PIK3CA: variants seen among roughly 807,000 people sequenced by gnomAD.
PIK3CA encodes phosphatidylinositol-4,5-bisphosphate 3-kinase catalytic subunit alpha.
PIK3CA carries 27 observed loss-of-function variants against 138.2 expected under a neutral mutation model. That is an observed-to-expected ratio of 0.20 (90% CI 0.14 to 0.27). The LOEUF (loss-of-function observed/expected upper bound fraction) is 0.27, where lower values mean the gene tolerates loss of function less well. PIK3CA is among the 10% of genes least tolerant of loss of function. PIK3CA has a pLI of 1.00. For synonymous variants in PIK3CA, 358 were observed against 413.2 expected (o/e 0.87, Z 1.62); for missense variants, 544 against 1,277.4 (o/e 0.43, Z 8.75).
At chr3:179,151,200 A>G (rs1028190992) in intron 1 of PIK3CA, among the ~76,000 whole-genome samples, 7 of 152,238 alleles carry the variant, frequency 4.6e-5, no homozygotes, top group Middle Eastern at 3.2e-3. Flanking sequence ...ACCTTGAGCT[A>G]TATTAACAGT....
intron 1 of PIK3CA, among the ~76,000 whole-genome samples, chr3:179,175,392 C>T (rs1038439377): frequency 3.3e-5 from 5 of 151,968 alleles, no homozygotes; most frequent in African/African-American, 9.7e-5. Context: ...ATTCTTTTTT[C>T]TCTCTGTCTG....
At chr3:179,232,106 T>C (rs1725227567) in intron 20 of PIK3CA, among the ~76,000 whole-genome samples, 1 of 152,184 alleles carries the variant, frequency 6.6e-6, no homozygotes, top group South Asian at 2.1e-4. Flanking sequence ...GCAGAGGCTT[T>C]TTAGTTTAAT....
At chr3:179,221,696 CTTTTT>C (rs200211358) in intron 14 of PIK3CA, among the ~76,000 whole-genome samples, 9 of 77,564 alleles carry the variant, frequency 1.2e-4, no homozygotes, top group African/African-American at 1.6e-4. Context: ...ACAATGTAAA[CTTTTT>C]TTTTTTTTTT....
chr3:179,177,312 CTT>C (rs11328702), intron 1 of PIK3CA, among the ~76,000 whole-genome samples: 167 of 91,008 alleles, frequency 1.8e-3, no homozygotes, highest in Non-Finnish European at 2.4e-3. Context: ...ATTCTCTTTT[CTT>C]TTTTTTTTTT....
intron 1 of PIK3CA, among the ~76,000 whole-genome samples, chr3:179,155,691 C>T (rs1341663962): frequency 6.6e-6 from 1 of 152,192 alleles, no homozygotes; most frequent in Admixed American, 6.5e-5. Context: ...ACTTGAACCT[C>T]TATGGATTCT....
chr3:179,217,004 A>G (rs1296704491), intron 9 of PIK3CA, among the ~76,000 whole-genome samples: 2 of 152,168 alleles, frequency 1.3e-5, no homozygotes, highest in Admixed American at 1.3e-4. Context: ...ATCAATAAAA[A>G]TAAAATCCCA....
In PIK3CA at chr3:179,234,286, GA is replaced by G. The variant is rs773197217; in HGVS notation, c.3131del (p.Asn1044MetfsTer24). On this transcript the variant is annotated frameshift_variant, in exon 21 of 21. Transcript: ENST00000263967. LOFTEE classifies it high-confidence loss of function. This position sits in a 1 kb window ranked among gnomAD's most constrained non-coding sequence, Gnocchi z 5.1. ...EALEYFMKQM[N>X]DAHHGGWTTK... is the part of the protein sequence containing the mutation. ...CTTTGGAGTATTTCATGAAACAAAT[GA>G]ATGATGCACATCATGGTGGCTGGAC... The G allele has an allele frequency of 6.2e-7, 1 of 1,613,536 alleles. No homozygotes were observed. The highest frequency in any genetic ancestry group is 8.5e-7 in the Non-Finnish European group (1 of 1,179,620).
intron 1 of PIK3CA, chr3:179,149,525 A>T (rs1722954740): frequency 6.6e-6 from 1 of 152,234 alleles, no homozygotes; most frequent in African/African-American, 2.4e-5. Flanking sequence ...GGTAGGGTAA[A>T]GGGAGCGCAA....
intron 1 of PIK3CA, among the ~76,000 whole-genome samples, chr3:179,178,690 C>G (rs1469433014): frequency 6.6e-5 from 10 of 152,202 alleles, no homozygotes; most frequent in African/African-American, 2.4e-4. Context: ...TGATGTCGTA[C>G]TCATGGCTCT....
chr3:179,212,736 C>T (rs111708286), intron 9 of PIK3CA, among the ~76,000 whole-genome samples: 30 of 152,082 alleles, frequency 2.0e-4, no homozygotes, highest in Non-Finnish European at 4.0e-4. Flanking sequence ...CCATCATGCC[C>T]GGCCAAAAGA....
chr3:179,204,774 C>T (rs1217788120), intron 6 of PIK3CA, among the ~76,000 whole-genome samples, 186 bp downstream of exon 6: 5 of 151,786 alleles, frequency 3.3e-5, no homozygotes, highest in African/African-American at 7.3e-5. Flanking sequence ...GTAATCCCAG[C>T]GCTTTGGGAG....
intron 1 of PIK3CA, among the ~76,000 whole-genome samples, chr3:179,184,963 C>A (rs1723938935): frequency 6.6e-6 from 1 of 152,106 alleles, no homozygotes; most frequent in African/African-American, 2.4e-5. Flanking sequence ...GAATACAAGT[C>A]CCTATGGTGA....
intron 2 of PIK3CA, 133 bp from the exon 3 acceptor site, chr3:179,199,557 T>C (rs1724354986): frequency 1.8e-6 from 1 of 559,444 alleles, no homozygotes; most frequent in Non-Finnish European, 3.1e-6. Flanking sequence ...ATCAAAAATT[T>C]GTTTTAACCT....
In PIK3CA at chr3:179,209,794, T is replaced by C. The variant is rs1724660599; in HGVS notation, c.1251+94T>C. On this transcript the variant is annotated intron_variant, in intron 7 of 20. Transcript: ENST00000263967. ...TTTTCACAAATTGGATGTTATTTTATATTTAAGAAAATAATAATAAACCTA... is the reference window on the plus strand; with the variant it reads ...TTTTCACAAATTGGATGTTATTTTACATTTAAGAAAATAATAATAAACCTA... 5 of 589,514 alleles carry C rather than the reference T, an allele frequency of 8.5e-6. No homozygotes were observed. In the South Asian group the frequency reaches 1.3e-4, roughly 15 times the overall value. The allele number at this position is 589,514 out of a possible 1,614,324, so 36.5% of individuals were successfully genotyped here.
chr3:179,158,935 C>A (rs1052655795), intron 1 of PIK3CA, among the ~76,000 whole-genome samples: 1 of 135,906 alleles, frequency 7.4e-6, no homozygotes, highest in Non-Finnish European at 1.6e-5. Context: ...TATGTTCTTG[C>A]GTTTTAGCAG....
chr3:179,178,935 C>T (rs1318020559), intron 1 of PIK3CA, among the ~76,000 whole-genome samples: 1 of 152,220 alleles, frequency 6.6e-6, no homozygotes, highest in Non-Finnish European at 1.5e-5. Flanking sequence ...TGATCATACC[C>T]TCTGCTCAGC....
intron 1 of PIK3CA, among the ~76,000 whole-genome samples, chr3:179,190,004 A>G (rs1724087042): frequency 6.6e-6 from 1 of 152,188 alleles, no homozygotes. Context: ...AGAGGAAGAG[A>G]ATTTTAGAGG....
At position 179,237,755 on chromosome 3, in the gene PIK3CA, T is replaced by G. The variant is rs543055928; in HGVS notation, c.*3391T>G. The G allele has an allele frequency of 4.7e-6, 1 of 211,376 alleles. No individual in the cohort carries two copies. The highest frequency in any genetic ancestry group is 1.9e-4 in the South Asian group (1 of 5,342). The allele number at this position is 211,376 out of a possible 1,614,324, so 13.1% of individuals were successfully genotyped here. On this transcript the variant is annotated 3_prime_UTR_variant, in exon 21 of 21. Coordinates refer to ENST00000263967, the MANE Select transcript of PIK3CA (RefSeq NM_006218.4). Reference sequence around the variant, plus strand: ...TCTTAATGATGTAAATCCGTTTAATTCATACTTTGATCAATAGCCCATGCT... The same window carrying G: ...TCTTAATGATGTAAATCCGTTTAATGCATACTTTGATCAATAGCCCATGCT...
chr3:179,185,745 T>C (rs1723964820), intron 1 of PIK3CA, among the ~76,000 whole-genome samples: 1 of 152,196 alleles, frequency 6.6e-6, no homozygotes, highest in African/African-American at 2.4e-5. Context: ...TCTCGGTTTA[T>C]TATAAAGAAT....
Sources: allele counts gnomAD v4.1 joint callset (sites outside exome capture counted in the v4.1 genomes callset), GRCh38; gene constraint gnomAD v4.1.1; non-coding constraint Gnocchi (gnomAD v3.1); transcripts MANE v1.5; gene names NCBI Gene and HGNC (gene_info 2026-07-23, HGNC 2026-07-21).